Variants in ADAMTS8 observed in about 807,000 individuals in gnomAD.
ADAMTS8 encodes ADAM metallopeptidase with thrombospondin type 1 motif 8, also known as A disintegrin and metalloproteinase with thrombospondin motifs 8.
Under a neutral mutation model 64.4 loss-of-function variants are expected in ADAMTS8, and 50 were observed. The ratio of observed to expected loss-of-function variants is 0.78; its 90% CI spans 0.62 to 0.98. The LOEUF is 0.98. Among genes scored for constraint, ADAMTS8 ranks in the 50% least tolerant of loss-of-function variants. The pLI is 0.00. For missense variants in ADAMTS8, 1,192 were observed against 1,208.2 expected, an observed-to-expected ratio of 0.99 and a Z score of 0.20; for synonymous variants, 556 against 533.6, an observed-to-expected ratio of 1.04 and a Z score of -0.58.
intron 6 of ADAMTS8, among the ~76,000 whole-genome samples, chr11:130,410,609 C>T (rs1463412219): frequency 2.0e-5 from 3 of 152,300 alleles, no homozygotes; most frequent in Non-Finnish European, 2.9e-5. Context: ...TGTCTTTTCC[C>T]GTGGTTGAAT....
intron 1 of ADAMTS8, among the ~76,000 whole-genome samples, chr11:130,421,484 A>T (rs1862098288): frequency 6.6e-6 from 1 of 152,144 alleles, no homozygotes; most frequent in South Asian, 2.1e-4. Flanking sequence ...GGACATCTGA[A>T]GGTCCTTCTG....
At chr11:130,419,862 G>C (rs567333208) in intron 1 of ADAMTS8, among the ~76,000 whole-genome samples, 36 of 152,248 alleles carry the variant, frequency 2.4e-4, no homozygotes, top group Non-Finnish European at 3.7e-4. Flanking sequence ...TTTTCCTGTT[G>C]TCTATTGGGG....
chr11:130,406,203 A>G, intron 8 of ADAMTS8, 75 bp from the exon 9 acceptor site: 1 of 1,513,812 alleles, frequency 6.6e-7, no homozygotes, highest in Non-Finnish European at 8.8e-7. Context: ...TTGGAGACTG[A>G]AGTGGGCACC....
chr11:130,416,019 G>T lies in ADAMTS8; in HGVS notation c.1264+144C>A. 1.1e-6 allele frequency: 1 copy of T among 933,496 alleles called. No individual in the cohort carries two copies. The highest frequency in any genetic ancestry group is 1.5e-6 in the Non-Finnish European group (1 of 648,684). The allele number at this position is 933,496 out of a possible 1,614,324, so 57.8% of individuals were successfully genotyped here. Reference sequence around the variant, plus strand: ...GGCCAGAAGAGCAGACTTCGGGGGTGGTGTGAATGCCCCAGCGTGGGAGGC... The same window carrying T: ...GGCCAGAAGAGCAGACTTCGGGGGTTGTGTGAATGCCCCAGCGTGGGAGGC... On this transcript the variant is annotated intron_variant, in intron 4 of 8. Coordinates refer to ENST00000257359, the MANE Select transcript of ADAMTS8 (RefSeq NM_007037.6). The surrounding 1 kb of genome is among the most constrained non-coding windows in gnomAD (Gnocchi z 4.8).
intron 5 of ADAMTS8, 49 bp downstream of exon 5, chr11:130,414,481 CT>C: frequency 3.9e-6 from 6 of 1,531,576 alleles, no homozygotes; most frequent in Non-Finnish European, 4.4e-6. Context: ...TCCCCATTTC[CT>C]TTTGTTTCTC....
rs1245793833 is a variant in ADAMTS8, at chr11:130,405,407, T to C, written c.*151A>G. 6.7e-5 allele frequency: 98 copies of C among 1,454,196 alleles called. No homozygotes were observed. The highest frequency in any genetic ancestry group is 8.6e-5 in the Non-Finnish European group (96 of 1,110,882). The allele number at this position is 1,454,196 out of a possible 1,614,324, so 90.1% of individuals were successfully genotyped here. ...TCTCCTCTTCCCCCTTAGGAATTTG[T>C]GCAGTACTGGAGGGGTTGCGGCAAT... On this transcript the variant is annotated 3_prime_UTR_variant, in exon 9 of 9. Coordinates refer to ENST00000257359, the MANE Select transcript of ADAMTS8 (RefSeq NM_007037.6).
At chr11:130,419,435 G>T in intron 1 of ADAMTS8, 143 bp from the exon 2 acceptor site, 1 of 1,161,906 alleles carries the variant, frequency 8.6e-7, no homozygotes. Context: ...CGAGGTCTCC[G>T]TGTTACTCCC....
In ADAMTS8 at chr11:130,405,681, C is replaced by T; in HGVS notation, c.2547G>A (p.Gly849=). The change falls in exon 9 of 9, where the codon GGG becomes GGA. Residue 849 remains glycine, a synonymous_variant. Coordinates refer to ENST00000257359, the MANE Select transcript of ADAMTS8 (RefSeq NM_007037.6). ...CTACAGTTCGCCTCTGCCAGCCGGC[C>T]CCGCAGGTGCTAGAGCACTCAGACC... is the stretch of plus-strand genomic sequence containing the variant. The part of the protein sequence containing the change: ...GDWSECSSTC[G]AGWQRRTVEC... 6.2e-7 allele frequency: 1 copy of T among 1,614,070 alleles called. No homozygotes were observed. Among genetic ancestry groups the T allele is most frequent in the Non-Finnish European group, 8.5e-7 (1 of 1,179,968 alleles).
At chr11:130,414,447 C>T in intron 5 of ADAMTS8, 84 bp downstream of exon 5, 1 of 1,468,304 alleles carries the variant, frequency 6.8e-7, no homozygotes, top group Non-Finnish European at 9.1e-7. Context: ...GTGTGGTTTC[C>T]TTCTGGAGAA....
In ADAMTS8 at chr11:130,411,515, C is replaced by T. The variant is rs777895284; in HGVS notation, c.1652G>A (p.Arg551His). The T allele has an allele frequency of 5.4e-5, 87 of 1,614,062 alleles. No individual in the cohort carries two copies. Among genetic ancestry groups the T allele is most frequent in the Middle Eastern group, 1.6e-4 (1 of 6,084 alleles). Residue 551 changes from arginine to histidine, a missense_variant, in exon 6 of 9, where the codon CGT becomes CAT. By Grantham distance (29) the Arg-to-His change is conservative. Around this residue, in one of 5 missense-constraint regions of ADAMTS8, gnomAD observed 290 missense variants for 297.8 expected, o/e 0.97. Coordinates refer to ENST00000257359, the MANE Select transcript of ADAMTS8 (RefSeq NM_007037.6). The surrounding 1 kb of genome is among the most constrained non-coding windows in gnomAD (Gnocchi z 4.2). ...CTGAGGCTCGGGGTCCTTGCACTCA[C>T]GGTGTGAAAACTGTACTCCTCCTCC... ...TCGGGVQFSH[R>H]ECKDPEPQNG...
rs749122450 is a variant in ADAMTS8, at chr11:130,414,501, TC to T, written c.1566+29del. ...ATTTCCTTTTGTTTCTCCTTTCCCC[TC>T]CCCGCTATCCTCAGGGGCTGTCCCT... On this transcript the variant is annotated intron_variant, in intron 5 of 8. Coordinates refer to ENST00000257359, the MANE Select transcript of ADAMTS8 (RefSeq NM_007037.6). 9.7e-6 allele frequency: 15 copies of T among 1,547,450 alleles called. No individual in the cohort carries two copies. In the African/African-American group the frequency reaches 2.1e-4, roughly 21 times the overall value.
chr11:130,424,590 C>G (rs543925493), intron 1 of ADAMTS8, among the ~76,000 whole-genome samples: 2 of 152,312 alleles, frequency 1.3e-5, no homozygotes, highest in Admixed American at 1.3e-4. Flanking sequence ...AGTGCCTTCC[C>G]TCTGTGTGAA....
chr11:130,428,053 C>G lies in ADAMTS8; in HGVS notation c.234G>C (p.Glu78Asp), dbSNP rs7927048. Reference protein sequence around the residue: ...LAPDDSFLAPEFKIERLGGSG... With the variant: ...LAPDDSFLAPDFKIERLGGSG... ...AGCCCCCGAGGCGCTCGATCTTGAA[C>G]TCGGGCGCTAGGAAGCTGTCGTCGG... The change falls in exon 1 of 9, where the codon GAG becomes GAC. Residue 78 changes from glutamate (E) to aspartate (D), a missense_variant. Around this residue, in one of 5 missense-constraint regions of ADAMTS8, gnomAD observed 741 missense variants for 710.6 expected, o/e 1.04. Coordinates refer to ENST00000257359, the MANE Select transcript of ADAMTS8 (RefSeq NM_007037.6). 886,319 of 1,532,240 alleles carry G rather than the reference C, an allele frequency of 0.58. 263,959 individuals carry two copies. The highest frequency in any genetic ancestry group is 0.72 in the Admixed American group (36,961 of 51,464). The allele number at this position is 1,532,240 out of a possible 1,614,324, so 94.9% of individuals were successfully genotyped here.
Position 130,405,968 on chromosome 11 carries a change from C to G in ADAMTS8, c.2260G>C (p.Glu754Gln). ...LNGNLAISAI[E>Q]QDILVKGTIL... ...GTCCCCTTCACCAAGATGTCCTGCTCTATGGCAGAGATGGCCAGGTTGCCG... is the reference window on the plus strand; with the variant it reads ...GTCCCCTTCACCAAGATGTCCTGCTGTATGGCAGAGATGGCCAGGTTGCCG... Residue 754 changes from glutamate (E) to glutamine (Q), a missense_variant, in exon 9 of 9, where the codon GAG becomes CAG. This residue lies in a region of ADAMTS8 where 290 missense variants were observed against 297.8 expected (regional missense o/e 0.97). Coordinates refer to ENST00000257359, the MANE Select transcript of ADAMTS8 (RefSeq NM_007037.6). The G allele has an allele frequency of 6.2e-7, 1 of 1,614,252 alleles. No individual in the cohort carries two copies. The highest frequency in any genetic ancestry group is 1.1e-5 in the South Asian group (1 of 91,090).
At chr11:130,408,319 G>A in intron 8 of ADAMTS8, 145 bp downstream of exon 8, 1 of 985,060 alleles carries the variant, frequency 1.0e-6, no homozygotes, top group Non-Finnish European at 1.5e-6. Flanking sequence ...ATTTTACAAA[G>A]AAACTGAAGC....
chr11:130,414,654 C>A lies in ADAMTS8; in HGVS notation c.1443G>T (p.Gly481=), dbSNP rs1219772720. ...TCTTCGTGTGGCACAGGGGCTCAGC[C>A]CCATCAGTGTGGCACCAAAGCTGGG... ...VCAQLWCHTD[G]AEPLCHTKNG... The change falls in exon 5 of 9, where the codon GGG becomes GGT. Residue 481 remains glycine (G), a synonymous_variant. Transcript: ENST00000257359. The A allele has an allele frequency of 6.2e-7, 1 of 1,613,800 alleles. No homozygotes were observed. Among genetic ancestry groups the A allele is most frequent in the Admixed American group, 1.7e-5 (1 of 60,012 alleles).
intron 1 of ADAMTS8, among the ~76,000 whole-genome samples, chr11:130,427,196 T>C (rs1032383341): frequency 6.6e-6 from 1 of 152,222 alleles, no homozygotes; most frequent in Non-Finnish European, 1.5e-5. Flanking sequence ...TCGTAAACGC[T>C]CAATTTTCAT....
chr11:130,408,494 C>T lies in ADAMTS8; in HGVS notation c.2069G>A (p.Arg690Lys). 3.1e-6 allele frequency: 5 copies of T among 1,614,084 alleles called. No individual in the cohort carries two copies. The highest frequency in any genetic ancestry group is 2.2e-5 in the South Asian group (2 of 91,074). The change falls in exon 8 of 9, where the codon AGG (arginine) becomes AAG (lysine). Residue 690 changes from arginine (R) to lysine (K), a missense_variant. This residue lies in a region of ADAMTS8 where 290 missense variants were observed against 297.8 expected (regional missense o/e 0.97). Coordinates refer to ENST00000257359, the MANE Select transcript of ADAMTS8 (RefSeq NM_007037.6). Reference protein sequence around the residue: ...GVCGGKGNSCRKVSGSLTPTN... With the variant: ...GVCGGKGNSCKKVSGSLTPTN... The stretch of plus-strand genomic sequence containing the variant: ...GGGGGTGAGGGACCCGGAGACCTTC[C>T]TGCAGGAGTTGCCTTTGCCCCCACA...
Position 130,406,006 on chromosome 11 carries a change from T to G in ADAMTS8, c.2222A>C (p.Gln741Pro). The G allele has an allele frequency of 6.2e-7, 1 of 1,614,242 alleles. No individual in the cohort carries two copies. Among genetic ancestry groups the G allele is most frequent in the Non-Finnish European group, 8.5e-7 (1 of 1,180,036 alleles). ...NYLALKTADG[Q>P]YLLNGNLAIS... ...GGCCAGGTTGCCGTTGAGCAGGTAC[T>G]GCCCATCAGCCGTCTTCAGCGCCAG... is the stretch of plus-strand genomic sequence containing the variant. The change falls in exon 9 of 9, where the codon CAG (glutamine) becomes CCG (proline). Residue 741 changes from glutamine to proline, a missense_variant. Coordinates refer to ENST00000257359, the MANE Select transcript of ADAMTS8 (RefSeq NM_007037.6).
Sources: allele counts gnomAD v4.1 joint callset (sites outside exome capture counted in the v4.1 genomes callset), GRCh38; gene constraint gnomAD v4.1.1; regional missense constraint gnomAD v4.1.1; non-coding constraint Gnocchi (gnomAD v3.1); transcripts MANE v1.5; gene names NCBI Gene and HGNC (gene_info 2026-07-23, HGNC 2026-07-21).